Variants in OPA1 observed in about 807,000 individuals in gnomAD.
OPA1 encodes the protein dynamin-like GTPase OPA1, mitochondrial.
In OPA1, 59 loss-of-function variants were observed where a neutral mutation model predicts 152.9. That is an observed-to-expected ratio of 0.39 (90% CI 0.31 to 0.48). OPA1 has a LOEUF of 0.48. Among genes scored for constraint, OPA1 ranks in the 20% least tolerant of loss-of-function variants. The pLI is 0.96. For synonymous variants in OPA1, 400 were observed against 389.9 expected (o/e 1.03, Z -0.31); for missense variants, 1,008 against 1,216.8 (o/e 0.83, Z 2.55).
intron 21 of OPA1, among the ~76,000 whole-genome samples, chr3:193,653,234 G>C (rs1381327694): frequency 6.6e-6 from 1 of 152,162 alleles, no homozygotes; most frequent in Non-Finnish European, 1.5e-5. Context: ...TTTACTGGTT[G>C]TAACTGGAAA....
rs1219944049 is a variant in OPA1, at chr3:193,664,798, T to C, written c.2662-82T>C. 6 of 809,262 alleles carry C rather than the reference T, an allele frequency of 7.4e-6. No individual in the cohort carries two copies. The East Asian group carries it at 9.8e-5, about 13-fold the overall frequency. 50.1% of individuals were successfully genotyped at this position (809,262 alleles called of 1,614,324 possible). A position where few individuals can be genotyped will look rare whatever the true frequency, so the allele number is the denominator to read the frequency against. On this transcript the variant is annotated intron_variant, in intron 26 of 30. Transcript: ENST00000361510. ...TTTTAATTAACTTTTTTGGTAAATA[T>C]AATTTTTGTACAACTTCTCAGTGTG...
intron 25 of OPA1, among the ~76,000 whole-genome samples, chr3:193,661,096 G>A (rs1003654946): frequency 2.0e-5 from 3 of 152,210 alleles, no homozygotes; most frequent in Admixed American, 6.5e-5. Context: ...ATTCCTGCTC[G>A]TAAGTTATTT....
chr3:193,676,849 C>T (rs538532676), intron 29 of OPA1, among the ~76,000 whole-genome samples: 23 of 151,978 alleles, frequency 1.5e-4, no homozygotes, highest in East Asian at 7.7e-4. Flanking sequence ...GGCGTGGTGG[C>T]GGGCGCCTGT....
chr3:193,669,699 A>G (rs1043420906), intron 29 of OPA1, among the ~76,000 whole-genome samples: 3 of 152,240 alleles, frequency 2.0e-5, no homozygotes, highest in Admixed American at 2.0e-4. Context: ...AAACAATTCA[A>G]TGAATTTTAC....
At chr3:193,605,460 TTGTGG>T (rs1727108779) in intron 1 of OPA1, among the ~76,000 whole-genome samples, 1 of 152,184 alleles carries the variant, frequency 6.6e-6, no homozygotes. Context: ...TTAGTGGATA[TTGTGG>T]TAATTAGGCA....
At chr3:193,604,687 C>T (rs1369589119) in intron 1 of OPA1, among the ~76,000 whole-genome samples, 1 of 151,604 alleles carries the variant, frequency 6.6e-6, no homozygotes, top group African/African-American at 2.4e-5. Context: ...ATGGAGAAAC[C>T]CTGTCTCTAC....
Position 193,628,132 on chromosome 3 carries a change from C to T in OPA1, c.789+1930C>T, listed in dbSNP as rs137937149. ...AAATCCTAATTCATGAGATTTTTAT[C>T]ATTCCAGGCATGTGAGGTTTACTTG... On this transcript the variant is annotated intron_variant, in intron 7 of 30. Coordinates refer to ENST00000361510, the MANE Select transcript of OPA1 (RefSeq NM_130837.3). Among the ~76,000 whole-genome samples, 3 of 152,198 alleles carry T rather than the reference C, an allele frequency of 2.0e-5. No individual in the cohort carries two copies. The East Asian group carries it at 5.8e-4, about 29-fold the overall frequency.
chr3:193,620,217 G>A (rs182864074), intron 6 of OPA1, among the ~76,000 whole-genome samples: 8 of 152,190 alleles, frequency 5.3e-5, no homozygotes, highest in Non-Finnish European at 1.2e-4. Flanking sequence ...TGGTAGTGTG[G>A]TTCTTTGAGT....
At chr3:193,610,882 GA>G (rs1728127265) in intron 1 of OPA1, among the ~76,000 whole-genome samples, 1 of 152,238 alleles carries the variant, frequency 6.6e-6, no homozygotes, top group Non-Finnish European at 1.5e-5. Flanking sequence ...AAGACCATCG[GA>G]AAAGCGCAGT....
chr3:193,629,162 C>G (rs971465898), intron 7 of OPA1, among the ~76,000 whole-genome samples: 1 of 152,014 alleles, frequency 6.6e-6, no homozygotes, highest in African/African-American at 2.4e-5. Flanking sequence ...ATCCGCCTGC[C>G]TCGGCCTCCC....
intron 1 of OPA1, among the ~76,000 whole-genome samples, chr3:193,613,609 ACT>A (rs1369750560): frequency 6.8e-6 from 1 of 147,186 alleles, no homozygotes; most frequent in African/African-American, 2.5e-5. Context: ...GTGGAGTCTC[ACT>A]CTGTTGCCCA....
chr3:193,597,987 G>A (rs1725875307), intron 1 of OPA1, among the ~76,000 whole-genome samples: 1 of 152,142 alleles, frequency 6.6e-6, no homozygotes, highest in Non-Finnish European at 1.5e-5. Flanking sequence ...GCTGAGGCAG[G>A]AGGATCACAC....
intron 29 of OPA1, among the ~76,000 whole-genome samples, chr3:193,676,764 AG>A (rs1405134592): frequency 6.6e-6 from 1 of 152,148 alleles, no homozygotes; most frequent in Non-Finnish European, 1.5e-5. Context: ...GCGGATCACA[AG>A]GTCAGGAGAT....
rs563016352 is a variant in OPA1 at position 193,626,132 on chromosome 3, A to G, written c.719A>G (p.Gln240Arg). Residue 240 changes from glutamine to arginine, a missense_variant, in exon 7 of 31, where the codon CAA becomes CGA. Transcript: ENST00000361510. ...CTCATTCTCTTACAACAACAAATTC[A>G]AGAGCATGAAGAGGAAGCGCGCAGA... ...GELILLQQQIQEHEEEARRAA... is the reference protein window; with the variant it reads ...GELILLQQQIREHEEEARRAA... 1 of 1,614,094 alleles carries G rather than the reference A, an allele frequency of 6.2e-7. No homozygotes were observed. The highest frequency in any genetic ancestry group is 1.1e-5 in the South Asian group (1 of 91,090).
chr3:193,597,840 C>G (rs1175960207), intron 1 of OPA1, among the ~76,000 whole-genome samples: 1 of 151,968 alleles, frequency 6.6e-6, no homozygotes, highest in Non-Finnish European at 1.5e-5. Flanking sequence ...AATCCCAACA[C>G]TTTGAAAGGG....
chr3:193,661,303 A>G (rs187096300), intron 25 of OPA1, among the ~76,000 whole-genome samples: 169 of 152,334 alleles, frequency 1.1e-3, no homozygotes, highest in African/African-American at 3.8e-3. Context: ...AATTTGGAAT[A>G]TAGAAGGGAG....
At chr3:193,619,161 G>C (rs931263177) in intron 6 of OPA1, among the ~76,000 whole-genome samples, 1 of 152,220 alleles carries the variant, frequency 6.6e-6, no homozygotes, top group African/African-American at 2.4e-5. Flanking sequence ...TGAAGCATTA[G>C]TTTCGAGGGT....
At chr3:193,663,598 A>T (rs1413505691) in intron 26 of OPA1, among the ~76,000 whole-genome samples, 1 of 152,176 alleles carries the variant, frequency 6.6e-6, no homozygotes, top group African/African-American at 2.4e-5. Context: ...TAAGGAATTC[A>T]AAAGCTCCTT....
Position 193,635,475 on chromosome 3 carries a change from T to C in OPA1, c.901T>C (p.Leu301=), listed in dbSNP as rs1732786955. ...AAAGGAGAACAAAGAATTGAGAAAA[T>C]TAGTATTGCAGAAAGATGACAAAGG... ...LEKENKELRK[L]VLQKDDKGIH... Residue 301 remains leucine, a synonymous_variant, in exon 9 of 31, where the codon TTA becomes CTA. Coordinates refer to ENST00000361510, the MANE Select transcript of OPA1 (RefSeq NM_130837.3). The C allele has an allele frequency of 6.2e-7, 1 of 1,609,294 alleles. No homozygotes were observed. The highest frequency in any genetic ancestry group is 1.3e-5 in the African/African-American group (1 of 74,834).
Sources: allele counts gnomAD v4.1 joint callset (sites outside exome capture counted in the v4.1 genomes callset), GRCh38; gene constraint gnomAD v4.1.1; transcripts MANE v1.5; gene names NCBI Gene and HGNC (gene_info 2026-07-23, HGNC 2026-07-21).